The following ANKRD30B variants were observed in gnomAD, a reference collection of about 807,000 sequenced individuals.
ANKRD30B encodes ankyrin repeat domain-containing protein 30B.
In ANKRD30B, 144 loss-of-function variants were observed where a neutral mutation model predicts 202.2. The ratio of observed to expected loss-of-function variants is 0.71; its 90% confidence interval spans 0.62 to 0.82. The LOEUF is 0.82. Ranked by LOEUF, ANKRD30B falls within the 40% of genes least tolerant of loss-of-function variation. ANKRD30B has a pLI of 0.00. For synonymous variants in ANKRD30B, 508 were observed against 561.3 expected (o/e 0.91, Z 1.34); for missense variants, 1,487 against 1,669.1 (o/e 0.89, Z 1.90).
At chr18:14,848,985 G>C in intron 40 of ANKRD30B, 56 bp downstream of exon 40, 1 of 1,374,034 alleles carries the variant, frequency 7.3e-7, no homozygotes, top group East Asian at 2.8e-5. Context: ...AAAGTATGTA[G>C]GATACTTTTT....
At chr18:14,775,284 C>A (rs1026361807) in intron 9 of ANKRD30B, among the ~76,000 whole-genome samples, 1 of 152,290 alleles carries the variant, frequency 6.6e-6, no homozygotes, top group East Asian at 1.9e-4. Context: ...GAAAATAAGG[C>A]TTAGAAGGCA....
At chr18:14,864,337 A>AAAACC in the ANKRD30B span, among the ~76,000 whole-genome samples, 40 of 152,260 alleles carry the variant, frequency 2.6e-4, no homozygotes, top group East Asian at 5.8e-4. Context: ...TCCGTCTCAA[A>AAAACC]AAACCAAACC....
chr18:14,831,181 G>GAAAAAAAAAAC (rs1555668369), intron 33 of ANKRD30B, among the ~76,000 whole-genome samples: 1 of 52,358 alleles, frequency 1.9e-5, no homozygotes, highest in Admixed American at 3.0e-4. Flanking sequence ...CTCCGTCTCG[G>GAAAAAAAAAAC]AAAAAAAAAA....
At chr18:14,920,047 G>A in the ANKRD30B span, among the ~76,000 whole-genome samples, 1 of 152,204 alleles carries the variant, frequency 6.6e-6, no homozygotes, top group Non-Finnish European at 1.5e-5. Context: ...AGGCAAATCA[G>A]CTGAGGCCCA....
At chr18:14,755,392 A>G (rs1015203630) in intron 4 of ANKRD30B, among the ~76,000 whole-genome samples, 37 of 151,678 alleles carry the variant, frequency 2.4e-4, no homozygotes, top group Admixed American at 8.5e-4. Context: ...ACACTTTTTT[A>G]ATTTCTTTTT....
chr18:14,851,614 C>T lies in ANKRD30B; in HGVS notation c.3670C>T (p.His1224Tyr), dbSNP rs1275688159. 12 of 1,611,560 alleles carry T rather than the reference C, an allele frequency of 7.4e-6. No homozygotes were observed. Among genetic ancestry groups the T allele is most frequent in the African/African-American group, 4.0e-5 (3 of 74,662 alleles). The change falls in exon 42 of 44, where the codon CAC (histidine) becomes TAC (tyrosine). Residue 1224 changes from histidine to tyrosine, a missense_variant. This residue lies in a region of ANKRD30B where 177 missense variants were observed against 216.4 expected (regional missense o/e 0.82). Transcript: ENST00000690538. ...GGAAGTAGCCACACTGAAACATCAACACCAGGTGAAGGAAAATAAATACTT... is the reference window on the plus strand; with the variant it reads ...GGAAGTAGCCACACTGAAACATCAATACCAGGTGAAGGAAAATAAATACTT... ...KLEVATLKHQ[H>Y]QVKENKYFED...
the ANKRD30B span, among the ~76,000 whole-genome samples, chr18:14,939,089 C>A: frequency 2.0e-5 from 3 of 152,194 alleles, no homozygotes; most frequent in Non-Finnish European, 4.4e-5. Context: ...TCGTCTGTCT[C>A]TTGTCTCTTC....
In ANKRD30B at chr18:14,848,782, A is replaced by G. The variant is rs932445600; in HGVS notation, c.3248A>G (p.Lys1083Arg). 1.9e-6 allele frequency: 3 copies of G among 1,573,534 alleles called. No homozygotes were observed. Among genetic ancestry groups the G allele is most frequent in the African/African-American group, 1.4e-5 (1 of 73,524 alleles). ...TGTGAAAGAGGAAGGGAACTTAAAA[A>G]AGATAACTGTGAACAAATTACAGCA... Reference protein sequence around the residue: ...PSCERGRELKKDNCEQITAKM... With the variant: ...PSCERGRELKRDNCEQITAKM... Residue 1083 changes from lysine to arginine, a missense_variant, in exon 40 of 44, where the codon AAA becomes AGA. Physicochemically the swap from Lys to Arg is conservative, Grantham distance 26. This residue lies in a region of ANKRD30B where 177 missense variants were observed against 216.4 expected (regional missense o/e 0.82). Transcript: ENST00000690538.
intron 34 of ANKRD30B, among the ~76,000 whole-genome samples, chr18:14,834,269 A>G (rs539691530): frequency 1.3e-5 from 2 of 152,298 alleles, no homozygotes; most frequent in African/African-American, 2.4e-5. Context: ...CTACAGTACT[A>G]TAAACTGTGT....
rs1915621434 is a variant in ANKRD30B at position 14,763,699 on chromosome 18, A to G, written c.834A>G (p.Thr278=). The change falls in exon 7 of 44, where the codon ACA becomes ACG. Residue 278 remains threonine, a synonymous_variant. Coordinates refer to ENST00000690538, the MANE Select transcript of ANKRD30B (RefSeq NM_001367607.2). ...TGTGTTTGGCAGAAGGAACATCTAC[A>G]GGAACACCTGATGAGGCTGCACCCT... The part of the protein sequence containing the change: ...PQNTNPEGTS[T]GTPDEAAPLA... 2 of 1,613,780 alleles carry G rather than the reference A, an allele frequency of 1.2e-6. No homozygotes were observed. Among genetic ancestry groups the G allele is most frequent in the African/African-American group, 1.3e-5 (1 of 74,934 alleles).
At chr18:14,929,003 T>C in the ANKRD30B span, among the ~76,000 whole-genome samples, 1 of 152,310 alleles carries the variant, frequency 6.6e-6, no homozygotes, top group Non-Finnish European at 1.5e-5. Context: ...ACAAAGCTTA[T>C]TGTGACTGTA....
At chr18:14,834,901 G>A (rs1971107253) in intron 34 of ANKRD30B, among the ~76,000 whole-genome samples, 1 of 151,778 alleles carries the variant, frequency 6.6e-6, no homozygotes, top group Admixed American at 6.5e-5. Flanking sequence ...TTATAATTTT[G>A]TAGAATGCAA....
rs149804066 is a variant in ANKRD30B, at chr18:14,828,535, G to A, written c.2774+227G>A. Among the ~76,000 whole-genome samples the A allele has an allele frequency of 1.2e-4, 19 of 152,286 alleles. No individual in the cohort carries two copies. The East Asian group carries it at 3.3e-3, about 26-fold the overall frequency. ...CAGAGAGGTTGATTAATTGGCCTAT[G>A]ATGTCATAGCTAAAAAGTAGCTGAC... On this transcript the variant is annotated intron_variant, in intron 33 of 43. Transcript: ENST00000690538.
chr18:14,909,382 C>T, the ANKRD30B span, among the ~76,000 whole-genome samples: 2 of 152,114 alleles, frequency 1.3e-5, no homozygotes, highest in Non-Finnish European at 2.9e-5. Flanking sequence ...ATTGTTTAAT[C>T]CTCACCACGA....
chr18:14,816,515 G>A (rs1970114413), intron 30 of ANKRD30B: 1 of 151,906 alleles, frequency 6.6e-6, no homozygotes, highest in South Asian at 2.1e-4. Flanking sequence ...GCATGGTGGT[G>A]GGTGCCTCTA....
At chr18:14,860,730 A>G in the ANKRD30B span, among the ~76,000 whole-genome samples, 3 of 151,620 alleles carry the variant, frequency 2.0e-5, no homozygotes, top group African/African-American at 7.3e-5. Context: ...TTGGAGACAG[A>G]GTCTCACTTT....
chr18:14,897,606 T>G, the ANKRD30B span, among the ~76,000 whole-genome samples: 1 of 152,194 alleles, frequency 6.6e-6, no homozygotes, highest in African/African-American at 2.4e-5. Flanking sequence ...AGCATAATAT[T>G]TTTTTGGTTA....
At chr18:14,773,042 T>G (rs1179204877) in intron 9 of ANKRD30B, among the ~76,000 whole-genome samples, 1 of 152,170 alleles carries the variant, frequency 6.6e-6, no homozygotes, top group Non-Finnish European at 1.5e-5. Flanking sequence ...TTCTAAGTTT[T>G]TCATTAAAAG....
chr18:14,792,280 A>G (rs886803207), intron 16 of ANKRD30B, among the ~76,000 whole-genome samples: 1 of 152,188 alleles, frequency 6.6e-6, no homozygotes. Context: ...AAAATGTGGA[A>G]GAAGGGCCAT....
Sources: gnomAD v4.1 joint callset for allele counts (sites outside exome capture counted in the v4.1 genomes callset) on GRCh38, gnomAD v4.1.1 for gene constraint, gnomAD v4.1.1 regional missense constraint, MANE v1.5 for transcripts, NCBI Gene and HGNC (gene_info 2026-07-23, HGNC 2026-07-21) for gene names.